ZFYVE16: variants seen among roughly 807,000 people sequenced by gnomAD.
ZFYVE16 encodes zinc finger FYVE domain-containing protein 16.
A neutral mutation model predicts 138.1 loss-of-function variants in ZFYVE16; 89 were observed. The observed-to-expected ratio is 0.64, with a 90% CI of 0.54 to 0.77. The LOEUF is 0.77. Ranked by LOEUF, ZFYVE16 falls within the 30% of genes least tolerant of loss-of-function variation. ZFYVE16 has a pLI of 0.00. For missense variants in ZFYVE16, 1,793 were observed against 1,786.7 expected (o/e 1.00, Z -0.06); for synonymous variants, 596 against 618.3 (o/e 0.96, Z 0.53).
rs1031242237 is a variant in ZFYVE16, at chr5:80,433,463, G to A, written c.-39-646G>A. 3.3e-5 allele frequency among the ~76,000 whole-genome samples: 5 copies of A among 152,124 alleles called. No homozygotes were observed. The East Asian group carries it at 9.6e-4, about 29-fold the overall frequency. ...GGTGTGGGGAGATGTGGGAGGGATA[G>A]CATTAGGAGATATACCTAATGTAAA... On this transcript the variant is annotated intron_variant, in intron 2 of 18. Transcript: ENST00000505560.
Position 80,443,246 on chromosome 5 carries a change from C to G in ZFYVE16, c.2543C>G (p.Thr848Ser). 1 of 1,611,584 alleles carries G rather than the reference C, an allele frequency of 6.2e-7. No individual in the cohort carries two copies. Among genetic ancestry groups the G allele is most frequent in the Non-Finnish European group, 8.5e-7 (1 of 1,179,432 alleles). The stretch of plus-strand genomic sequence containing the variant: ...ACATCCAGTATACCTTCACCAGCAA[C>G]TTTGCCAGTCTCAGCACTTAAACAA... ...NQTSSIPSPA[T>S]LPVSALKQPG... Residue 848 changes from threonine to serine, a missense_variant, in exon 6 of 19, where the codon ACT (threonine) becomes AGT (serine). By Grantham distance (58) the Thr-to-Ser change is moderately conservative (BLOSUM62 1). Around this residue, in one of 2 missense-constraint regions of ZFYVE16, gnomAD observed 1,295 missense variants for 1,204.3 expected, o/e 1.08. Transcript: ENST00000505560.
At chr5:80,428,850 G>A (rs1473893457) in intron 2 of ZFYVE16, among the ~76,000 whole-genome samples, 1 of 152,170 alleles carries the variant, frequency 6.6e-6, no homozygotes. Flanking sequence ...GGAAGAAAGG[G>A]TATCAGTGAT....
At chr5:80,440,244 T>C in intron 5 of ZFYVE16, 2 of 1,175,266 alleles carry the variant, frequency 1.7e-6, no homozygotes, top group Non-Finnish European at 2.1e-6. Context: ...GCATTCAGTT[T>C]CTGGAGTGGC....
chr5:80,439,428 A>G (rs1750404771), intron 4 of ZFYVE16, among the ~76,000 whole-genome samples: 1 of 152,152 alleles, frequency 6.6e-6, no homozygotes, highest in South Asian at 2.1e-4. Context: ...ATTGGCTTCC[A>G]CAGGGTTCAG....
intron 2 of ZFYVE16, among the ~76,000 whole-genome samples, chr5:80,431,429 A>G (rs180696034): frequency 1.1e-3 from 174 of 152,324 alleles, no homozygotes; most frequent in African/African-American, 4.0e-3. Flanking sequence ...GGTATTGATG[A>G]GACGTATCTC....
chr5:80,412,074 G>A (rs1433651764), intron 1 of ZFYVE16, among the ~76,000 whole-genome samples: 2 of 152,048 alleles, frequency 1.3e-5, no homozygotes, highest in Admixed American at 6.5e-5. Flanking sequence ...GACCACAGGC[G>A]GGCATCACCA....
chr5:80,448,479 T>G (rs1751636197), intron 8 of ZFYVE16, 75 bp downstream of exon 8: 2 of 1,321,906 alleles, frequency 1.5e-6, no homozygotes, highest in Non-Finnish European at 1.9e-6. Flanking sequence ...ACATATGAAA[T>G]GTATTTTTTT....
chr5:80,473,369 CT>C (rs1468054641), intron 16 of ZFYVE16, among the ~76,000 whole-genome samples: 1 of 152,224 alleles, frequency 6.6e-6, no homozygotes, highest in Non-Finnish European at 1.5e-5. Context: ...ACTCCTTCCT[CT>C]CTTCAGTTAC....
At chr5:80,435,575 T>A (rs1173275963) in intron 3 of ZFYVE16, among the ~76,000 whole-genome samples, 1 of 152,092 alleles carries the variant, frequency 6.6e-6, no homozygotes. Context: ...ACTAAGTTTC[T>A]TTTTTTTCTA....
upstream of ZFYVE16, chr5:80,407,864 C>T (rs1273035973): frequency 6.6e-6 from 1 of 152,376 alleles, no homozygotes; most frequent in African/African-American, 2.4e-5. Flanking sequence ...CACCCAACAA[C>T]CCACTCAGGC....
chr5:80,463,642 G>T (rs911353907), intron 15 of ZFYVE16, among the ~76,000 whole-genome samples: 1 of 152,104 alleles, frequency 6.6e-6, no homozygotes, highest in South Asian at 2.1e-4. Flanking sequence ...CAGAAAATGG[G>T]TTTTTCTTTA....
In ZFYVE16 at chr5:80,474,745, G is replaced by C; in HGVS notation, c.4376G>C (p.Ser1459Thr). 6.2e-7 allele frequency: 1 copy of C among 1,613,940 alleles called. No individual in the cohort carries two copies. The highest frequency in any genetic ancestry group is 8.5e-7 in the Non-Finnish European group (1 of 1,179,894). The change falls in exon 18 of 19, where the codon AGT (serine) becomes ACT (threonine). Residue 1459 changes from serine (S) to threonine (T), a missense_variant. Physicochemically the swap from Ser to Thr is moderately conservative, Grantham distance 58. Transcript: ENST00000505560. ...GCAAAAGAAATAGCCATGGCTTGTA[G>C]TGCTGCGCTGTGCCCTCACCTGAAA... ...QFAKEIAMAC[S>T]AALCPHLKTL...
rs774175966 is a variant in ZFYVE16, at chr5:80,438,983, A to T, written c.2298A>T (p.Arg766=). The change falls in exon 4 of 19, where the codon CGA becomes CGT. Residue 766 remains arginine (R), a synonymous_variant. Transcript: ENST00000505560. ...CQVKFTFTKR[R]HHCRACGKVF... is the part of the protein sequence containing the mutation. ...TCAAATTTACTTTTACCAAACGGCG[A>T]CACCATTGCCGAGCATGTGGGAAAG... 6.2e-7 allele frequency: 1 copy of T among 1,611,322 alleles called. No individual in the cohort carries two copies. The highest frequency in any genetic ancestry group is 8.5e-7 in the Non-Finnish European group (1 of 1,178,262).
rs142263382 is a variant in ZFYVE16, at chr5:80,459,459, C to G, written c.3989C>G (p.Ser1330Cys). 113 of 1,613,162 alleles carry G rather than the reference C, an allele frequency of 7.0e-5. No homozygotes were observed. The African/African-American group carries it at 1.4e-3, about 20-fold the overall frequency. ...FVVFNGALKT[S>C]SGFLAKSSIV... ...GTATTCAATGGAGCTCTAAAAACAT[C>G]TTCAGGATTTCTTGCTAAGTCCAGC... The change falls in exon 15 of 19, where the codon TCT (serine) becomes TGT (cysteine). Residue 1330 changes from serine to cysteine, a missense_variant. This residue lies in a region of ZFYVE16 where 498 missense variants were observed against 582.4 expected (regional missense o/e 0.86). Transcript: ENST00000505560.
intron 15 of ZFYVE16, among the ~76,000 whole-genome samples, chr5:80,463,935 C>A (rs1452901972): frequency 1.3e-5 from 2 of 152,194 alleles, no homozygotes; most frequent in Admixed American, 6.5e-5. Context: ...TAGTTCCCAA[C>A]AAGTTCCTCA....
intron 15 of ZFYVE16, among the ~76,000 whole-genome samples, chr5:80,463,609 T>C (rs563618643): frequency 8.5e-5 from 13 of 152,230 alleles, no homozygotes; most frequent in Non-Finnish European, 1.9e-4. Context: ...TGCAAATTTC[T>C]GCAGCCAGCT....
intron 1 of ZFYVE16, among the ~76,000 whole-genome samples, chr5:80,418,285 T>G: frequency 7.3e-6 from 1 of 137,538 alleles, no homozygotes; most frequent in African/African-American, 2.8e-5. Flanking sequence ...TCTTTTCCCT[T>G]CCCCTCCCCT....
chr5:80,470,064 CGTGTGTGT>C lies in ZFYVE16; in HGVS notation c.4025-2668_4025-2661del, dbSNP rs369109701. ...ATATATGTGTGTGTGTGTATATATA[CGTGTGTGT>C]GTGTGTGTGTGTGTGTGTGTGTGTG... is the stretch of plus-strand genomic sequence containing the variant. On this transcript the variant is annotated intron_variant, in intron 15 of 18. Transcript: ENST00000505560. Among the ~76,000 whole-genome samples the C allele has an allele frequency of 2.0e-3, 122 of 59,520 alleles. 1 individual carries two copies. Among genetic ancestry groups the C allele is most frequent in the African/African-American group, 5.2e-3 (112 of 21,388 alleles). The allele number at this position is 59,520 out of a possible 152,430, so 39.0% of individuals were successfully genotyped here. A position where few individuals can be genotyped will look rare whatever the true frequency, so the allele number is the denominator to read the frequency against.
Position 80,445,228 on chromosome 5 carries a change from A to C in ZFYVE16, c.2582-35A>C. Reference sequence around the variant, plus strand: ...GGCATTAAATCATTGCCATATTACCAGATTCAAATGTTTTACTTTTTCAAT... The same window carrying C: ...GGCATTAAATCATTGCCATATTACCCGATTCAAATGTTTTACTTTTTCAAT... On this transcript the variant is annotated intron_variant, in intron 6 of 18. Coordinates refer to ENST00000505560, the MANE Select transcript of ZFYVE16 (RefSeq NM_001284236.3). 1.9e-6 allele frequency: 3 copies of C among 1,598,278 alleles called. No homozygotes were observed. The South Asian group carries it at 3.4e-5, about 18-fold the overall frequency.
Sources: gnomAD v4.1 joint callset for allele counts (sites outside exome capture counted in the v4.1 genomes callset) on GRCh38, gnomAD v4.1.1 for gene constraint, gnomAD v4.1.1 regional missense constraint, MANE v1.5 for transcripts, NCBI Gene and HGNC (gene_info 2026-07-23, HGNC 2026-07-21) for gene names.